GABRG3: variants seen among roughly 807,000 people sequenced by gnomAD.
GABRG3 encodes the protein gamma-aminobutyric acid type A receptor subunit gamma3.
Under a neutral mutation model 48.8 loss-of-function variants are expected in GABRG3, and 25 were observed. The observed-to-expected ratio is 0.51, with a 90% CI of 0.37 to 0.72. The LOEUF (loss-of-function observed/expected upper bound fraction) is 0.72, where lower values mean the gene tolerates loss of function less well. Ranked by LOEUF, GABRG3 falls within the 30% of genes least tolerant of loss-of-function variation. GABRG3 has a pLI of 0.00. For missense variants in GABRG3, 394 were observed against 577.9 expected (o/e 0.68, Z 3.26); for synonymous variants, 227 against 217.6 (o/e 1.04, Z -0.38).
At chr15:27,396,157 G>A (rs1293002960) in intron 5 of GABRG3, among the ~76,000 whole-genome samples, 1 of 152,148 alleles carries the variant, frequency 6.6e-6, no homozygotes, top group African/African-American at 2.4e-5. Context: ...AGCCAACATG[G>A]TGAGCCTGTA....
At chr15:27,164,672 C>T (rs370433349) in intron 3 of GABRG3, among the ~76,000 whole-genome samples, 1 of 152,150 alleles carries the variant, frequency 6.6e-6, no homozygotes, top group African/African-American at 2.4e-5. Context: ...ATCTGTTAGA[C>T]GGGTAAAATG....
At chr15:27,350,118 C>A (rs1444678382) in intron 5 of GABRG3, 2 of 456,050 alleles carry the variant, frequency 4.4e-6, no homozygotes, top group Admixed American at 4.7e-5. Context: ...TCCCTGCTCA[C>A]TTTCCCAGCC....
chr15:27,349,652 A>C (rs946143323), intron 5 of GABRG3, among the ~76,000 whole-genome samples: 2 of 152,160 alleles, frequency 1.3e-5, no homozygotes, highest in African/African-American at 4.8e-5. Flanking sequence ...TCTCCTTGCA[A>C]ACCTCCTAAG....
chr15:27,278,922 T>C (rs980887688), intron 3 of GABRG3, among the ~76,000 whole-genome samples: 2 of 152,232 alleles, frequency 1.3e-5, no homozygotes, highest in East Asian at 3.8e-4. Flanking sequence ...CTGGATCATT[T>C]TACATTCCCA....
chr15:27,303,179 A>G (rs939341113), intron 3 of GABRG3, among the ~76,000 whole-genome samples: 3 of 151,804 alleles, frequency 2.0e-5, no homozygotes, highest in African/African-American at 7.2e-5. Context: ...GTGAAATCAA[A>G]TCTAATTCTG....
chr15:27,003,936 A>G (rs1895516863), intron 2 of GABRG3, among the ~76,000 whole-genome samples: 1 of 140,252 alleles, frequency 7.1e-6, no homozygotes, highest in Non-Finnish European at 1.5e-5. Flanking sequence ...GGCCGGGCAG[A>G]GGCGCCCCTC....
chr15:27,538,238 T>A lies in GABRG3; in HGVS notation c.*5357T>A, dbSNP rs892838449. 1 of 152,190 alleles carries A rather than the reference T, an allele frequency of 6.6e-6. No homozygotes were observed. The highest frequency in any genetic ancestry group is 1.9e-4 in the East Asian group (1 of 5,190). The allele number at this position is 152,190 out of a possible 1,614,324, so 9.4% of individuals were successfully genotyped here. ...TACCTTTTATTGTCCTGCTTACTTA[T>A]AAAAGCCAAATTTTAGGCGAACTTA... On this transcript the variant is annotated 3_prime_UTR_variant, in exon 10 of 10. Coordinates refer to ENST00000615808, the MANE Select transcript of GABRG3 (RefSeq NM_033223.5).
chr15:27,200,694 G>A (rs535270430), intron 3 of GABRG3, among the ~76,000 whole-genome samples: 5 of 152,198 alleles, frequency 3.3e-5, no homozygotes, highest in Non-Finnish European at 5.9e-5. Context: ...TACCTACTAC[G>A]GCCAGGCAGT....
chr15:27,005,639 CAG>C (rs572093805), intron 2 of GABRG3, among the ~76,000 whole-genome samples: 303 of 152,266 alleles, frequency 2.0e-3, no homozygotes, highest in Non-Finnish European at 3.6e-3. Flanking sequence ...AATTTTGAGA[CAG>C]GGGCTTGCTC....
At chr15:27,280,908 TGA>T (rs1238970496) in intron 3 of GABRG3, among the ~76,000 whole-genome samples, 2 of 152,214 alleles carry the variant, frequency 1.3e-5, no homozygotes, top group African/African-American at 4.8e-5. Flanking sequence ...CTGTCAAAGT[TGA>T]GAGAGGGGTG....
chr15:27,262,013 G>A (rs1248537541), intron 3 of GABRG3, among the ~76,000 whole-genome samples: 1 of 152,098 alleles, frequency 6.6e-6, no homozygotes, highest in Admixed American at 6.5e-5. Flanking sequence ...AATCCCCAAG[G>A]AAAGATTCCA....
intron 3 of GABRG3, among the ~76,000 whole-genome samples, chr15:27,308,573 A>G (rs1476342305): frequency 3.4e-5 from 5 of 147,510 alleles, no homozygotes; most frequent in Non-Finnish European, 1.5e-5. Flanking sequence ...ATATAAACAT[A>G]ATGTAAACAT....
chr15:27,068,117 A>G (rs572331064), intron 3 of GABRG3, among the ~76,000 whole-genome samples: 1 of 152,302 alleles, frequency 6.6e-6, no homozygotes, highest in Admixed American at 6.5e-5. Context: ...CACCCATGAA[A>G]CCTGCCAGAA....
chr15:27,423,355 C>A (rs1888189806), intron 5 of GABRG3, among the ~76,000 whole-genome samples: 1 of 151,130 alleles, frequency 6.6e-6, no homozygotes, highest in Non-Finnish European at 1.5e-5. Context: ...AGAAATGAGA[C>A]CTGCTCTGTT....
At chr15:27,197,469 A>ATTTTT (rs36104116) in intron 3 of GABRG3, among the ~76,000 whole-genome samples, 1 of 143,384 alleles carries the variant, frequency 7.0e-6, no homozygotes. Flanking sequence ...TTTAACGGCT[A>ATTTTT]TTTTTTTTTT....
At chr15:27,041,126 A>C (rs987879723) in intron 3 of GABRG3, among the ~76,000 whole-genome samples, 1 of 152,220 alleles carries the variant, frequency 6.6e-6, no homozygotes, top group African/African-American at 2.4e-5. Flanking sequence ...CACCATTCAC[A>C]ATGCTTATTA....
At chr15:27,432,007 C>T (rs1566838161) in intron 5 of GABRG3, among the ~76,000 whole-genome samples, 4 of 152,148 alleles carry the variant, frequency 2.6e-5, no homozygotes, top group Admixed American at 6.5e-5. Flanking sequence ...GGAGAACATA[C>T]ATAGCATGGT....
At chr15:27,388,173 A>G (rs1363628041) in intron 5 of GABRG3, among the ~76,000 whole-genome samples, 1 of 97,982 alleles carries the variant, frequency 1.0e-5, no homozygotes, top group South Asian at 5.0e-4. Flanking sequence ...GAAGGAAGGA[A>G]GGAAAGGAGG....
At chr15:27,143,652 A>G (rs1306696570) in intron 3 of GABRG3, among the ~76,000 whole-genome samples, 1 of 152,226 alleles carries the variant, frequency 6.6e-6, no homozygotes, top group Non-Finnish European at 1.5e-5. Context: ...TCCTTTCTAT[A>G]GACTTGAAAA....
Sources: allele counts gnomAD v4.1 joint callset (sites outside exome capture counted in the v4.1 genomes callset), GRCh38; gene constraint gnomAD v4.1.1; transcripts MANE v1.5; gene names NCBI Gene and HGNC (gene_info 2026-07-23, HGNC 2026-07-21).